CIAO2A: variants seen among roughly 807,000 people sequenced by gnomAD.
CIAO2A encodes cytosolic iron-sulfur assembly component 2A.
In CIAO2A, 17 loss-of-function variants were observed where a neutral mutation model predicts 22.4. The ratio of observed to expected loss-of-function variants is 0.76; its 90% CI spans 0.52 to 1.14. The LOEUF is 1.14. Ranked by LOEUF, CIAO2A falls within the 50% of genes most tolerant of loss-of-function variation. CIAO2A has a pLI of 0.00. For synonymous variants in CIAO2A, 74 were observed against 72.3 expected, an observed-to-expected ratio of 1.02 and a Z score of -0.12; for missense variants, 192 against 191.4, an observed-to-expected ratio of 1.00 and a Z score of -0.02.
At chr15:64,093,066 G>C (rs191522191) in intron 1 of CIAO2A, among the ~76,000 whole-genome samples, 1 of 152,254 alleles carries the variant, frequency 6.6e-6, no homozygotes, top group Non-Finnish European at 1.5e-5. Context: ...ACATGGAAGA[G>C]TGTGTATGTG....
chr15:64,074,578 G>A (rs184367466), intron 4 of CIAO2A: 2 of 152,160 alleles, frequency 1.3e-5, no homozygotes, highest in South Asian at 2.1e-4. Flanking sequence ...AGCCCACAAA[G>A]AGTATAATAA....
In CIAO2A at chr15:64,072,998, A is replaced by G. The variant is rs2080685302; in HGVS notation, c.416T>C (p.Val139Ala). The G allele has an allele frequency of 1.2e-6, 2 of 1,613,534 alleles. No individual in the cohort carries two copies. The highest frequency in any genetic ancestry group is 1.7e-5 in the Admixed American group (1 of 59,966). Residue 139 changes from valine (V) to alanine (A), a missense_variant, in exon 5 of 5, where the codon GTG (valine) becomes GCG (alanine). Physicochemically the swap from Val to Ala is moderately conservative, Grantham distance 64. Coordinates refer to ENST00000300030, the MANE Select transcript of CIAO2A (RefSeq NM_032231.7). ...INKQINDKER[V>A]AAAMENPNLR... ...GTTGGGGTTTTCCATTGCAGCTGCC[A>G]CTCGCTCTTTGTCATTTATCTGCTT... is the stretch of plus-strand genomic sequence containing the variant.
At chr15:64,092,102 T>G (rs900197495) in intron 1 of CIAO2A, among the ~76,000 whole-genome samples, 12 of 150,748 alleles carry the variant, frequency 8.0e-5, no homozygotes, top group Non-Finnish European at 1.5e-4. Context: ...AAAAGAAAGT[T>G]CTCCTCATAT....
intron 2 of CIAO2A, among the ~76,000 whole-genome samples, chr15:64,082,369 C>G (rs2080764387): frequency 6.6e-6 from 1 of 152,088 alleles, no homozygotes; most frequent in Non-Finnish European, 1.5e-5. Context: ...GCTGGGACTA[C>G]AGAAGCACGC....
Position 64,088,905 on chromosome 15 carries a change from A to T in CIAO2A, c.125-54T>A, listed in dbSNP as rs1411697452. 2.6e-6 allele frequency: 4 copies of T among 1,536,968 alleles called. No homozygotes were observed. The African/African-American group carries it at 5.6e-5, about 21-fold the overall frequency. ...TATTAAAACATGACTATTCTAAATA[A>T]AGATGATTTTGCCAGGCCTAATTTA... On this transcript the variant is annotated intron_variant, in intron 1 of 4. Coordinates refer to ENST00000300030, the MANE Select transcript of CIAO2A (RefSeq NM_032231.7).
In CIAO2A at chr15:64,088,816, T is replaced by G. The variant is rs772329697; in HGVS notation, c.160A>C (p.Asn54His). 1 of 1,613,998 alleles carries G rather than the reference T, an allele frequency of 6.2e-7. No homozygotes were observed. The highest frequency in any genetic ancestry group is 8.5e-7 in the Non-Finnish European group (1 of 1,179,966). Reference protein sequence around the residue: ...IRTIRDPEKPNTLEELEVVSE... With the variant: ...IRTIRDPEKPHTLEELEVVSE... ...ACCACTTCCAGTTCTTCTAAAGTAT[T>G]GGGCTTTTCTGGGTCCCGGATAGTT... is the stretch of plus-strand genomic sequence containing the variant. Residue 54 changes from asparagine (N) to histidine (H), a missense_variant, in exon 2 of 5, where the codon AAT becomes CAT. Physicochemically the swap from Asn to His is moderately conservative, Grantham distance 68 (BLOSUM62 1). Coordinates refer to ENST00000300030, the MANE Select transcript of CIAO2A (RefSeq NM_032231.7).
At chr15:64,073,419 C>T (rs867798334) in intron 4 of CIAO2A, among the ~76,000 whole-genome samples, 2 of 152,170 alleles carry the variant, frequency 1.3e-5, no homozygotes, top group Middle Eastern at 3.4e-3. Flanking sequence ...ACAATGAATA[C>T]CTTTAAACAT....
At chr15:64,080,851 C>T (rs1743891856) in intron 3 of CIAO2A, among the ~76,000 whole-genome samples, 2 of 152,050 alleles carry the variant, frequency 1.3e-5, no homozygotes, top group African/African-American at 2.4e-5. Flanking sequence ...TAGGACCGGG[C>T]GATTCCACTC....
chr15:64,088,758 T>C lies in CIAO2A; in HGVS notation c.218A>G (p.Asn73Ser), dbSNP rs1027228149. The change falls in exon 2 of 5, where the codon AAT becomes AGT. Residue 73 changes from asparagine (N) to serine (S), a missense_variant. Transcript: ENST00000300030. Reference protein sequence around the residue: ...SESCVEVQEINEEEYLVIIRF... With the variant: ...SESCVEVQEISEEEYLVIIRF... ...GATAATAACCAGATATTCTTCTTCA[T>C]TTATCTCCTGAACTTCCACACAACT... is the stretch of plus-strand genomic sequence containing the variant. 15 of 1,613,930 alleles carry C rather than the reference T, an allele frequency of 9.3e-6. No homozygotes were observed. The highest frequency in any genetic ancestry group is 1.3e-5 in the Non-Finnish European group (15 of 1,179,964).
At chr15:64,090,698 C>T (rs332262) in intron 1 of CIAO2A, among the ~76,000 whole-genome samples, 39,319 of 152,030 alleles carry the variant, frequency 0.26, 5,552 homozygotes, top group South Asian at 0.57. Context: ...AGAGTGCGTG[C>T]GCTGAAGCCA....
intron 1 of CIAO2A, among the ~76,000 whole-genome samples, chr15:64,093,059 T>A (rs1028883453): frequency 6.6e-6 from 1 of 152,202 alleles, no homozygotes; most frequent in Non-Finnish European, 1.5e-5. Flanking sequence ...ATATGCAACA[T>A]GGAAGAGTGT....
At chr15:64,087,019 C>T (rs1158439078) in intron 2 of CIAO2A, among the ~76,000 whole-genome samples, 6 of 150,980 alleles carry the variant, frequency 4.0e-5, no homozygotes, top group South Asian at 4.2e-4. Context: ...TCAAGTAATT[C>T]TCCTGCCTCA....
chr15:64,077,046 C>T (rs914264288), intron 3 of CIAO2A, among the ~76,000 whole-genome samples: 1 of 152,186 alleles, frequency 6.6e-6, no homozygotes, highest in Non-Finnish European at 1.5e-5. Context: ...GGCGTGGTGG[C>T]TCATGCCTGT....
rs762365079 is a variant in CIAO2A, at chr15:64,075,560, A to C, written c.340-23T>G. On this transcript the variant is annotated intron_variant, in intron 3 of 4. Coordinates refer to ENST00000300030, the MANE Select transcript of CIAO2A (RefSeq NM_032231.7). ...CAACTGGAAAGTGGGAAAAAAAGTA[A>C]AAGAAAAAACATTAATGCATTCTAA... 6 of 1,529,874 alleles carry C rather than the reference A, an allele frequency of 3.9e-6. No homozygotes were observed. In the African/African-American group the frequency reaches 8.4e-5, roughly 21 times the overall value. The allele number at this position is 1,529,874 out of a possible 1,614,324, so 94.8% of individuals were successfully genotyped here.
At position 64,088,840 on chromosome 15, in the gene CIAO2A, T is replaced by C; in HGVS notation, c.136A>G (p.Thr46Ala). 2.5e-6 allele frequency: 4 copies of C among 1,608,904 alleles called. No homozygotes were observed. Among genetic ancestry groups the C allele is most frequent in the Non-Finnish European group, 3.4e-6 (4 of 1,178,830 alleles). Residue 46 changes from threonine to alanine, a missense_variant, in exon 2 of 5, where the codon ACT becomes GCT. Coordinates refer to ENST00000300030, the MANE Select transcript of CIAO2A (RefSeq NM_032231.7). ...KALEVYDLIR[T>A]IRDPEKPNTL... Reference sequence around the variant, plus strand: ...TTGGGCTTTTCTGGGTCCCGGATAGTTCTAATCAAATCTAAAGAATCATCA... The same window carrying C: ...TTGGGCTTTTCTGGGTCCCGGATAGCTCTAATCAAATCTAAAGAATCATCA...
intron 1 of CIAO2A, among the ~76,000 whole-genome samples, chr15:64,091,638 C>T (rs1200850270): frequency 1.3e-5 from 2 of 152,130 alleles, no homozygotes; most frequent in South Asian, 2.1e-4. Context: ...AGGCTTTCTC[C>T]CCATAAGGCT....
intron 2 of CIAO2A, among the ~76,000 whole-genome samples, chr15:64,087,793 CT>C (rs1335829070): frequency 6.6e-6 from 1 of 152,164 alleles, no homozygotes; most frequent in Non-Finnish European, 1.5e-5. Context: ...CCCTCCCACC[CT>C]TTCCCCCATC....
chr15:64,086,138 G>T (rs970245269), intron 2 of CIAO2A, among the ~76,000 whole-genome samples: 3 of 151,684 alleles, frequency 2.0e-5, no homozygotes, highest in Admixed American at 6.6e-5. Context: ...GCTGGGAGTG[G>T]TGGCTCACAC....
intron 3 of CIAO2A, among the ~76,000 whole-genome samples, chr15:64,077,375 G>A (rs948350210): frequency 1.3e-5 from 2 of 152,122 alleles, no homozygotes; most frequent in East Asian, 1.9e-4. Flanking sequence ...CAAAGCAACA[G>A]GTATAGAATC....
Sources: allele counts gnomAD v4.1 joint callset (sites outside exome capture counted in the v4.1 genomes callset), GRCh38; gene constraint gnomAD v4.1.1; transcripts MANE v1.5; gene names NCBI Gene and HGNC (gene_info 2026-07-23, HGNC 2026-07-21).